Variants in INPP4B observed in about 807,000 individuals in gnomAD.
The protein encoded by INPP4B is inositol polyphosphate-4-phosphatase type II B.
In INPP4B, 55 loss-of-function variants were observed where a neutral mutation model predicts 122.5. The observed-to-expected ratio is 0.45, with a 90% CI of 0.36 to 0.56. The LOEUF is 0.56. Among genes scored for constraint, INPP4B ranks in the 20% least tolerant of loss-of-function variants. The pLI is 0.00. For synonymous variants in INPP4B, 403 were observed against 388.7 expected, an observed-to-expected ratio of 1.04 and a Z score of -0.43; for missense variants, 1,000 against 1,097.7, an observed-to-expected ratio of 0.91 and a Z score of 1.26.
At chr4:142,301,562 A>G (rs1165690506) in intron 9 of INPP4B, among the ~76,000 whole-genome samples, 1 of 152,228 alleles carries the variant, frequency 6.6e-6, no homozygotes, top group Admixed American at 6.5e-5. Flanking sequence ...TGGATTAAAT[A>G]AGATAATGCA....
At chr4:142,762,287 C>G (rs1190293143) in intron 1 of INPP4B, among the ~76,000 whole-genome samples, 1 of 152,094 alleles carries the variant, frequency 6.6e-6, no homozygotes, top group African/African-American at 2.4e-5. Flanking sequence ...CATCACCACA[C>G]CCACCTCACT....
At chr4:142,613,426 C>T (rs1472061752) in intron 2 of INPP4B, among the ~76,000 whole-genome samples, 2 of 152,138 alleles carry the variant, frequency 1.3e-5, no homozygotes, top group Non-Finnish European at 2.9e-5. Flanking sequence ...AAGACTGTTA[C>T]ATGCTCCTGC....
chr4:142,716,267 T>C (rs1763747509), intron 2 of INPP4B, among the ~76,000 whole-genome samples: 1 of 152,196 alleles, frequency 6.6e-6, no homozygotes, highest in Non-Finnish European at 1.5e-5. Flanking sequence ...AATTGTTTAG[T>C]TCTCAAATAA....
At chr4:142,123,946 T>C (rs187420138) in intron 19 of INPP4B, among the ~76,000 whole-genome samples, 2 of 152,192 alleles carry the variant, frequency 1.3e-5, no homozygotes, top group East Asian at 3.9e-4. Context: ...AAGTCTTCTT[T>C]TTCTTTCTCT....
At chr4:142,481,302 A>G (rs1483803029) in intron 2 of INPP4B, among the ~76,000 whole-genome samples, 1 of 152,008 alleles carries the variant, frequency 6.6e-6, no homozygotes, top group Non-Finnish European at 1.5e-5. Flanking sequence ...AAGACACAAC[A>G]TTTATTTAAG....
At chr4:142,637,428 C>T (rs13103597) in intron 2 of INPP4B, among the ~76,000 whole-genome samples, 20,310 of 152,018 alleles carry the variant, frequency 0.13, 1,381 homozygotes, top group South Asian at 0.21. Context: ...CCAGAATGCC[C>T]GATATTTAAA....
intron 2 of INPP4B, among the ~76,000 whole-genome samples, chr4:142,559,737 G>A (rs1730031066): frequency 6.6e-6 from 1 of 151,980 alleles, no homozygotes; most frequent in Admixed American, 6.6e-5. Context: ...AACTAGACAT[G>A]TCATTAAAAT....
intron 23 of INPP4B, among the ~76,000 whole-genome samples, chr4:142,089,304 A>C (rs1291511085): frequency 6.6e-6 from 1 of 152,168 alleles, no homozygotes; most frequent in Non-Finnish European, 1.5e-5. Flanking sequence ...AGCAATACAG[A>C]ATAAGAAGTT....
At chr4:142,815,453 C>T (rs1780003506) in intron 1 of INPP4B, among the ~76,000 whole-genome samples, 1 of 152,072 alleles carries the variant, frequency 6.6e-6, no homozygotes, top group African/African-American at 2.4e-5. Context: ...TTGTAAATCC[C>T]ATACTGTTCT....
At chr4:142,576,273 AG>A (rs1733824645) in intron 2 of INPP4B, among the ~76,000 whole-genome samples, 1 of 151,986 alleles carries the variant, frequency 6.6e-6, no homozygotes, top group Non-Finnish European at 1.5e-5. Flanking sequence ...CAGAAATAAA[AG>A]TGTTTATTCC....
At chr4:142,198,456 C>CT (rs768551209) in intron 14 of INPP4B, among the ~76,000 whole-genome samples, 52 of 151,360 alleles carry the variant, frequency 3.4e-4, no homozygotes, top group East Asian at 2.5e-3. Context: ...TCATGTGTTC[C>CT]TTTTTTTAAA....
At chr4:142,638,205 C>A (rs914840714) in intron 2 of INPP4B, among the ~76,000 whole-genome samples, 12 of 152,108 alleles carry the variant, frequency 7.9e-5, no homozygotes, top group African/African-American at 2.9e-4. Flanking sequence ...TTAGTAAAGT[C>A]CAGCTTACCA....
At chr4:142,550,342 A>G (rs981121829) in intron 2 of INPP4B, among the ~76,000 whole-genome samples, 8 of 152,070 alleles carry the variant, frequency 5.3e-5, no homozygotes, top group African/African-American at 1.9e-4. Flanking sequence ...AACAGACAGG[A>G]TGATTCATGC....
chr4:142,318,929 C>T (rs971270665), intron 7 of INPP4B, among the ~76,000 whole-genome samples: 26 of 152,268 alleles, frequency 1.7e-4, no homozygotes, highest in African/African-American at 4.8e-4. Context: ...CTTTAATGCT[C>T]ATATTTATGC....
intron 1 of INPP4B, among the ~76,000 whole-genome samples, chr4:142,820,995 T>G (rs1780733287): frequency 6.6e-6 from 1 of 152,162 alleles, no homozygotes; most frequent in Admixed American, 6.6e-5. Context: ...CTCTTTCTCA[T>G]GATTTCTATT....
intron 11 of INPP4B, among the ~76,000 whole-genome samples, chr4:142,241,615 G>T (rs1397790768): frequency 6.6e-6 from 1 of 152,134 alleles, no homozygotes; most frequent in Non-Finnish European, 1.5e-5. Flanking sequence ...CCAAAGTAAG[G>T]ATGCCAAGGA....
At chr4:142,725,165 G>A (rs1463106804) in intron 2 of INPP4B, among the ~76,000 whole-genome samples, 5 of 152,002 alleles carry the variant, frequency 3.3e-5, no homozygotes, top group Admixed American at 6.6e-5. Context: ...GTGTACATGC[G>A]TATGTCATTA....
intron 12 of INPP4B, among the ~76,000 whole-genome samples, chr4:142,228,289 A>C (rs1852520222): frequency 6.6e-6 from 1 of 152,036 alleles, no homozygotes; most frequent in Non-Finnish European, 1.5e-5. Context: ...AATCCATAAG[A>C]ATTTTTTTAA....
chr4:142,550,490 T>C lies in INPP4B; in HGVS notation c.-190-87764A>G, dbSNP rs996925457. ...CTCTTTGAGGTAGGAGAGTTCAACTTCTCTGAGATAAGGGAACTTATCCAG... is the reference window on the plus strand; with the variant it reads ...CTCTTTGAGGTAGGAGAGTTCAACTCCTCTGAGATAAGGGAACTTATCCAG... On this transcript the variant is annotated intron_variant, in intron 2 of 25. Coordinates refer to ENST00000262992, the MANE Select transcript of INPP4B (RefSeq NM_001101669.3). Among the ~76,000 whole-genome samples, 7 of 151,984 alleles carry C rather than the reference T, an allele frequency of 4.6e-5. No homozygotes were observed. The South Asian group carries it at 1.5e-3, about 32-fold the overall frequency.
Sources: allele counts gnomAD v4.1 joint callset (sites outside exome capture counted in the v4.1 genomes callset), GRCh38; gene constraint gnomAD v4.1.1; transcripts MANE v1.5; gene names NCBI Gene and HGNC (gene_info 2026-07-23, HGNC 2026-07-21).